NECTIN1: variants seen among roughly 807,000 people sequenced by gnomAD.
NECTIN1 encodes the protein nectin-1.
NECTIN1 carries 23 observed loss-of-function variants against 48.0 expected under a neutral mutation model. The observed-to-expected ratio is 0.48, with a 90% CI of 0.34 to 0.68. The LOEUF (loss-of-function observed/expected upper bound fraction) is 0.68, where lower values mean the gene tolerates loss of function less well. NECTIN1 is among the 30% of genes least tolerant of loss of function. The pLI is 0.01. For synonymous variants in NECTIN1, 270 were observed against 288.9 expected (o/e 0.93, Z 0.66); for missense variants, 591 against 709.9 (o/e 0.83, Z 1.90).
intron 1 of NECTIN1, among the ~76,000 whole-genome samples, chr11:119,696,818 C>T (rs1591472825): frequency 6.6e-6 from 1 of 152,206 alleles, no homozygotes; most frequent in African/African-American, 2.4e-5. Flanking sequence ...CTGCAGGCGG[C>T]ATAGGGGCGG....
chr11:119,681,465 T>G (rs984636876), intron 1 of NECTIN1, among the ~76,000 whole-genome samples: 2 of 152,012 alleles, frequency 1.3e-5, no homozygotes, highest in Non-Finnish European at 2.9e-5. Flanking sequence ...CCCCTGAAGG[T>G]GTGGAGGCAG....
Position 119,661,732 on chromosome 11 carries a change from C to T in NECTIN1, c.*3015G>A, listed in dbSNP as rs2135539868. The T allele has an allele frequency of 1.0e-6, 1 of 985,776 alleles. No individual in the cohort carries two copies. Among genetic ancestry groups the T allele is most frequent in the Non-Finnish European group, 1.2e-6 (1 of 829,942 alleles). The allele number at this position is 985,776 out of a possible 1,614,324, so 61.1% of individuals were successfully genotyped here. On this transcript the variant is annotated 3_prime_UTR_variant, in exon 6 of 6. Coordinates refer to ENST00000264025, the MANE Select transcript of NECTIN1 (RefSeq NM_002855.5). ...GGGCCCCTATAAGGCTCTCTTGCAG[C>T]CCGGGCACTGGGAAATTCGTTTCTC...
chr11:119,697,033 G>A (rs895566142), intron 1 of NECTIN1, among the ~76,000 whole-genome samples: 8 of 152,118 alleles, frequency 5.3e-5, no homozygotes, highest in South Asian at 2.1e-4. Flanking sequence ...TGTGCTGCCC[G>A]CTGCAGCGGG....
chr11:119,678,445 G>T lies in NECTIN1; in HGVS notation c.400C>A (p.Arg134=). The T allele has an allele frequency of 1.2e-6, 2 of 1,614,202 alleles. No individual in the cohort carries two copies. Among genetic ancestry groups the T allele is most frequent in the Non-Finnish European group, 1.7e-6 (2 of 1,180,042 alleles). ...ACCGTGAGATTGAGCTGGCTTTCTC[G>T]ATTGCCCGTAGGGAAGGTAGCAAAC... ...CEFATFPTGN[R]ESQLNLTVMA... Residue 134 remains arginine (R), a synonymous_variant, in exon 2 of 6, where the codon CGA becomes AGA. Transcript: ENST00000264025. This position sits in a 1 kb window ranked among gnomAD's most constrained non-coding sequence, Gnocchi z 4.4.
chr11:119,647,833 T>A (rs1222346873), intron 5 of NECTIN1, among the ~76,000 whole-genome samples: 1 of 151,318 alleles, frequency 6.6e-6, no homozygotes, highest in Non-Finnish European at 1.5e-5. Context: ...GAGGCCGAGG[T>A]GGGTGGATCA....
In NECTIN1 at chr11:119,683,864, T is replaced by G. The variant is rs1224890864; in HGVS notation, c.80-5099A>C. On this transcript the variant is annotated intron_variant, in intron 1 of 5. Transcript: ENST00000264025. This position sits in a 1 kb window ranked among gnomAD's most constrained non-coding sequence, Gnocchi z 4.0. ...CAAGTGCCTCAGTTTCCCCACTAGA[T>G]CTCAGGTTGGGCAGTTCAGGCTGCC... Among the ~76,000 whole-genome samples the G allele has an allele frequency of 2.6e-5, 4 of 152,098 alleles. No homozygotes were observed. Among genetic ancestry groups the G allele is most frequent in the African/African-American group, 9.6e-5 (4 of 41,496 alleles).
chr11:119,650,088 G>GT (rs1847567318), intron 5 of NECTIN1, among the ~76,000 whole-genome samples: 1 of 152,022 alleles, frequency 6.6e-6, no homozygotes, highest in Non-Finnish European at 1.5e-5. Flanking sequence ...GCGGGCAAGA[G>GT]TGGGGGTCAC....
At chr11:119,706,520 C>T (rs960370295) in intron 1 of NECTIN1, among the ~76,000 whole-genome samples, 2 of 152,192 alleles carry the variant, frequency 1.3e-5, no homozygotes, top group African/African-American at 2.4e-5. Flanking sequence ...TCTCTCTGCA[C>T]GCATTGCACC....
rs1440932767 is a variant in NECTIN1 at position 119,673,899 on chromosome 11, C to T, written c.1003+1260G>A. On this transcript the variant is annotated intron_variant, in intron 5 of 5. Transcript: ENST00000264025. This position sits in a 1 kb window ranked among gnomAD's most constrained non-coding sequence, Gnocchi z 5.8. ...CCCAGGCTCCAACCCTGATGCTCCTCCTCCTATGACTAGTCTCGGGGCCAA... is the reference window on the plus strand; with the variant it reads ...CCCAGGCTCCAACCCTGATGCTCCTTCTCCTATGACTAGTCTCGGGGCCAA... Among the ~76,000 whole-genome samples, 1 of 152,238 alleles carries T rather than the reference C, an allele frequency of 6.6e-6. No homozygotes were observed.
chr11:119,638,734 G>T, exon 7 of NECTIN1: 1 of 1,613,692 alleles, frequency 6.2e-7, no homozygotes, highest in Non-Finnish European at 8.5e-7. Flanking sequence ...GGCCCACCTG[G>T]ATATCCTCAG....
intron 7 of NECTIN1, chr11:119,638,633 G>T: frequency 1.8e-6 from 2 of 1,117,494 alleles, no homozygotes; most frequent in Non-Finnish European, 1.3e-6. Context: ...AAGGCGTGGC[G>T]GCTCTGTCTT....
chr11:119,710,176 T>G (rs1240159762), intron 1 of NECTIN1: 1 of 152,278 alleles, frequency 6.6e-6, no homozygotes, highest in Admixed American at 6.5e-5. Flanking sequence ...CAGAGCCACA[T>G]GCACGCACAC....
intron 1 of NECTIN1, among the ~76,000 whole-genome samples, chr11:119,708,572 T>A (rs764779898): frequency 1.0e-4 from 14 of 136,020 alleles, no homozygotes; most frequent in Admixed American, 4.1e-4. Flanking sequence ...GATAGGCAGA[T>A]CCATAGACAC....
chr11:119,688,266 T>C (rs1865193441), intron 1 of NECTIN1, among the ~76,000 whole-genome samples: 1 of 152,208 alleles, frequency 6.6e-6, no homozygotes, highest in Non-Finnish European at 1.5e-5. Flanking sequence ...ATAGCTATGC[T>C]ATACAAGCAG....
At chr11:119,638,375 T>A in intron 7 of NECTIN1, 1 of 1,250,658 alleles carries the variant, frequency 8.0e-7, no homozygotes, top group Non-Finnish European at 1.1e-6. Context: ...TCCCCCACAC[T>A]GGTGACTGTC....
chr11:119,648,295 G>T (rs867688292), intron 5 of NECTIN1, among the ~76,000 whole-genome samples: 1 of 9,660 alleles, frequency 1.0e-4, no homozygotes, highest in East Asian at 4.4e-3. Flanking sequence ...GGTGATGGTG[G>T]TGGTGGTGGT....
chr11:119,677,549 G>T lies in NECTIN1; in HGVS notation c.733+6C>A, dbSNP rs749751307. 1 of 1,612,458 alleles carries T rather than the reference G, an allele frequency of 6.2e-7. No homozygotes were observed. The highest frequency in any genetic ancestry group is 1.1e-5 in the South Asian group (1 of 91,004). On this transcript the variant is annotated splice_donor_region_variant and intron_variant, in intron 3 of 5. Coordinates refer to ENST00000264025, the MANE Select transcript of NECTIN1 (RefSeq NM_002855.5). The surrounding 1 kb of genome is among the most constrained non-coding windows in gnomAD (Gnocchi z 5.4). Reference sequence around the variant, plus strand: ...CAGGAGGCCCCTGGCAGCCAGCCCTGCTCACACTGCACGTTGAGAGTGAGG... The same window carrying T: ...CAGGAGGCCCCTGGCAGCCAGCCCTTCTCACACTGCACGTTGAGAGTGAGG...
In NECTIN1 at chr11:119,672,530, C is replaced by T. The variant is rs1029763685; in HGVS notation, c.1003+2629G>A. 2.6e-5 allele frequency among the ~76,000 whole-genome samples: 4 copies of T among 152,302 alleles called. No homozygotes were observed. In the East Asian group the frequency reaches 5.8e-4, roughly 22 times the overall value. On this transcript the variant is annotated intron_variant, in intron 5 of 5. Transcript: ENST00000264025. The surrounding 1 kb of genome is among the most constrained non-coding windows in gnomAD (Gnocchi z 4.3). Reference sequence around the variant, plus strand: ...CTCCTCGGTGCCCCCATCGCCACAGCCACAGCCTGGGCCTGTTGTTTCCCA... The same window carrying T: ...CTCCTCGGTGCCCCCATCGCCACAGTCACAGCCTGGGCCTGTTGTTTCCCA...
chr11:119,669,962 CT>C (rs535335352), intron 5 of NECTIN1, among the ~76,000 whole-genome samples: 251 of 144,242 alleles, frequency 1.7e-3, no homozygotes, highest in Middle Eastern at 3.6e-3. Flanking sequence ...AAAATTACTA[CT>C]TTTTTTTTTT....
Sources: gnomAD v4.1 joint callset for allele counts (sites outside exome capture counted in the v4.1 genomes callset) on GRCh38, gnomAD v4.1.1 for gene constraint, Gnocchi (gnomAD v3.1) non-coding constraint, MANE v1.5 for transcripts, NCBI Gene and HGNC (gene_info 2026-07-23, HGNC 2026-07-21) for gene names.